The following DNER variants were observed in gnomAD, a reference collection of about 807,000 sequenced individuals.
DNER encodes the protein delta and Notch-like epidermal growth factor-related receptor.
Under a neutral mutation model 78.2 loss-of-function variants are expected in DNER, and 33 were observed. The observed-to-expected ratio is 0.42, with a 90% CI of 0.32 to 0.56. The LOEUF is 0.56. DNER is among the 20% of genes least tolerant of loss of function. DNER has a pLI of 0.11. For missense variants in DNER, 918 were observed against 975.3 expected, an observed-to-expected ratio of 0.94 and a Z score of 0.78; for synonymous variants, 417 against 384.8, an observed-to-expected ratio of 1.08 and a Z score of -0.98.
At chr2:229,673,861 C>T (rs1300080920) in intron 1 of DNER, among the ~76,000 whole-genome samples, 1 of 152,242 alleles carries the variant, frequency 6.6e-6, no homozygotes, top group Non-Finnish European at 1.5e-5. Context: ...CGGACAAACA[C>T]AAAGACTCAT....
intron 11 of DNER, among the ~76,000 whole-genome samples, chr2:229,384,496 A>C: frequency 6.6e-6 from 1 of 152,214 alleles, no homozygotes; most frequent in East Asian, 1.9e-4. Flanking sequence ...AAGATTTACA[A>C]AATAGATAGA....
In DNER at chr2:229,579,182, C is replaced by T. The variant is rs574285909; in HGVS notation, c.847+6676G>A. Among the ~76,000 whole-genome samples the T allele has an allele frequency of 1.3e-4, 20 of 152,272 alleles. No individual in the cohort carries two copies. The South Asian group carries it at 4.1e-3, about 32-fold the overall frequency. ...TATGTCCAAGGAGAATACTGGCCTG[C>T]CTTCCCTCCCTCTGGCAGAGTTAGC... On this transcript the variant is annotated intron_variant, in intron 4 of 12. Transcript: ENST00000341772.
At chr2:229,601,912 C>T (rs1175853889) in intron 1 of DNER, among the ~76,000 whole-genome samples, 2 of 152,082 alleles carry the variant, frequency 1.3e-5, no homozygotes, top group Admixed American at 1.3e-4. Flanking sequence ...TTCCCTTTGT[C>T]CCTTGGTTTC....
chr2:229,592,021 A>G (rs1412557529), intron 1 of DNER, 133 bp from the exon 2 acceptor site: 3 of 1,216,540 alleles, frequency 2.5e-6, no homozygotes, highest in African/African-American at 3.1e-5. Flanking sequence ...CTCCTTAACT[A>G]CTTGTGCTGT....
At chr2:229,606,003 G>C (rs368899240) in intron 1 of DNER, among the ~76,000 whole-genome samples, 3 of 152,162 alleles carry the variant, frequency 2.0e-5, no homozygotes, top group African/African-American at 4.8e-5. Context: ...TAATTGAACT[G>C]ATGGCCAGGC....
chr2:229,542,775 CAAAAAAAA>C (rs56738752), intron 5 of DNER, among the ~76,000 whole-genome samples: 5 of 88,276 alleles, frequency 5.7e-5, no homozygotes, highest in Middle Eastern at 5.2e-3. Context: ...CCCAAGTAGG[CAAAAAAAA>C]AAAAAAAAAA....
intron 4 of DNER, among the ~76,000 whole-genome samples, chr2:229,579,075 C>G (rs1022813808): frequency 1.3e-5 from 2 of 152,128 alleles, no homozygotes; most frequent in African/African-American, 4.8e-5. Context: ...GGTCACTAGT[C>G]CATTTCTAGC....
intron 8 of DNER, among the ~76,000 whole-genome samples, chr2:229,439,044 A>C (rs1398360963): frequency 6.6e-6 from 1 of 152,130 alleles, no homozygotes; most frequent in Non-Finnish European, 1.5e-5. Context: ...TGACAACAAC[A>C]ATGGGTCCCA....
At chr2:229,593,263 T>TC (rs1697641829) in intron 1 of DNER, among the ~76,000 whole-genome samples, 1 of 151,516 alleles carries the variant, frequency 6.6e-6, no homozygotes, top group South Asian at 2.1e-4. Context: ...CAAACCTTCC[T>TC]CCTCCCTTGT....
chr2:229,462,349 G>A (rs1033024020), intron 7 of DNER, among the ~76,000 whole-genome samples: 4 of 152,022 alleles, frequency 2.6e-5, no homozygotes, highest in Non-Finnish European at 5.9e-5. Flanking sequence ...TGCTGACAGG[G>A]TAAAGACAAT....
chr2:229,473,626 A>G (rs982013503), intron 7 of DNER, among the ~76,000 whole-genome samples: 1 of 152,244 alleles, frequency 6.6e-6, no homozygotes, highest in Non-Finnish European at 1.5e-5. Flanking sequence ...ACCAAATATT[A>G]ATCCCTCCTG....
At chr2:229,588,564 A>C in intron 2 of DNER, 76 bp from the exon 3 acceptor site, 1 of 1,305,012 alleles carries the variant, frequency 7.7e-7, no homozygotes, top group Non-Finnish European at 1.1e-6. Context: ...GCAAAATTCC[A>C]TGCTGAATTT....
intron 1 of DNER, among the ~76,000 whole-genome samples, chr2:229,713,653 C>T (rs1168311014): frequency 6.6e-6 from 1 of 152,242 alleles, no homozygotes; most frequent in Non-Finnish European, 1.5e-5. Context: ...GGAGAAAGTG[C>T]CCCACCACCT....
At chr2:229,601,325 A>T (rs1376773570) in intron 1 of DNER, among the ~76,000 whole-genome samples, 2 of 152,150 alleles carry the variant, frequency 1.3e-5, no homozygotes, top group African/African-American at 4.8e-5. Flanking sequence ...CTCACCAGGA[A>T]TAAAGATATA....
intron 12 of DNER, among the ~76,000 whole-genome samples, chr2:229,364,236 G>A (rs900003493): frequency 6.6e-6 from 1 of 151,702 alleles, no homozygotes; most frequent in Non-Finnish European, 1.5e-5. Context: ...TCTAGGCTGG[G>A]GCCACTTACT....
chr2:229,391,553 T>C (rs183764445), intron 10 of DNER, among the ~76,000 whole-genome samples: 103 of 152,320 alleles, frequency 6.8e-4, no homozygotes, highest in African/African-American at 2.3e-3. Flanking sequence ...TTTTTTCTTT[T>C]TTTTTGAGAC....
At chr2:229,675,580 T>C (rs925066960) in intron 1 of DNER, among the ~76,000 whole-genome samples, 1 of 152,198 alleles carries the variant, frequency 6.6e-6, no homozygotes, top group African/African-American at 2.4e-5. Flanking sequence ...CTGATCAGTG[T>C]GTCCCTGGAG....
intron 4 of DNER, among the ~76,000 whole-genome samples, chr2:229,553,662 G>A (rs754889998): frequency 6.6e-6 from 1 of 152,282 alleles, no homozygotes; most frequent in Admixed American, 6.5e-5. Flanking sequence ...GGTCCCCCAG[G>A]CAAACACCTT....
In DNER at chr2:229,397,162, A is replaced by G. The variant is rs1486105642; in HGVS notation, c.1724-8766T>C. On this transcript the variant is annotated intron_variant, in intron 10 of 12. Coordinates refer to ENST00000341772, the MANE Select transcript of DNER (RefSeq NM_139072.4). The stretch of plus-strand genomic sequence containing the variant: ...TCCCTCCCACCAAGTACAAGTAAAA[A>G]CCCTAGACATTGTACATAAAATAAA... Among the ~76,000 whole-genome samples, 3 of 152,038 alleles carry G rather than the reference A, an allele frequency of 2.0e-5. 1 individual carries two copies. Among genetic ancestry groups the G allele is most frequent in the Admixed American group, 1.3e-4 (2 of 15,252 alleles).
Sources: gnomAD v4.1 joint callset for allele counts (sites outside exome capture counted in the v4.1 genomes callset) on GRCh38, gnomAD v4.1.1 for gene constraint, MANE v1.5 for transcripts, NCBI Gene and HGNC (gene_info 2026-07-23, HGNC 2026-07-21) for gene names.